The following AGFG1 variants were observed in gnomAD, a reference collection of about 807,000 sequenced individuals.
AGFG1 encodes the protein arf-GAP domain and FG repeat-containing protein 1.
A neutral mutation model predicts 60.6 loss-of-function variants in AGFG1; 10 were observed. The ratio of observed to expected loss-of-function variants is 0.16; its 90% CI spans 0.10 to 0.28. AGFG1 has a LOEUF of 0.28. AGFG1 is among the 10% of genes least tolerant of loss of function. The pLI, the probability that AGFG1 is intolerant of heterozygous loss-of-function variation, is 1.00. For synonymous variants in AGFG1, 247 were observed against 242.9 expected (o/e 1.02, Z -0.16); for missense variants, 537 against 676.5 (o/e 0.79, Z 2.29).
chr2:227,537,750 G>A (rs1692355359), intron 10 of AGFG1, among the ~76,000 whole-genome samples: 1 of 152,070 alleles, frequency 6.6e-6, no homozygotes, highest in South Asian at 2.1e-4. Context: ...TGTATGCTTT[G>A]TTTTTGTGTA....
At position 227,557,424 on chromosome 2, in the gene AGFG1, A is replaced by G. The variant is rs1693005488; in HGVS notation, c.*2929A>G. 6.6e-6 allele frequency: 1 copy of G among 152,152 alleles called. No homozygotes were observed. The highest frequency in any genetic ancestry group is 2.4e-5 in the African/African-American group (1 of 41,442). The allele number at this position is 152,152 out of a possible 1,614,324, so 9.4% of individuals were successfully genotyped here. On this transcript the variant is annotated 3_prime_UTR_variant, in exon 13 of 13. Coordinates refer to ENST00000310078, the MANE Select transcript of AGFG1 (RefSeq NM_004504.5). ...CACCCACTTTAGTACAGTTCCTGTC[A>G]ATTGGCAACATGGAGAGGGTGACCT...
intron 3 of AGFG1, among the ~76,000 whole-genome samples, chr2:227,522,861 T>A (rs1255581669): frequency 6.6e-6 from 1 of 152,248 alleles, no homozygotes; most frequent in Non-Finnish European, 1.5e-5. Flanking sequence ...CTTTCTTGAC[T>A]CGCCTCCTCA....
intron 2 of AGFG1, among the ~76,000 whole-genome samples, chr2:227,506,328 C>T (rs1352995947): frequency 6.6e-6 from 1 of 152,034 alleles, no homozygotes; most frequent in Non-Finnish European, 1.5e-5. Context: ...AAGTCAGCCC[C>T]ATGCACACAT....
At chr2:227,532,129 G>C in intron 6 of AGFG1, 1 of 1,528,982 alleles carries the variant, frequency 6.5e-7, no homozygotes, top group Non-Finnish European at 8.8e-7. Flanking sequence ...ATAATTTCTG[G>C]CTGTCCAGCA....
intron 1 of AGFG1, among the ~76,000 whole-genome samples, chr2:227,474,139 C>T (rs1479648539): frequency 6.6e-6 from 1 of 152,108 alleles, no homozygotes; most frequent in African/African-American, 2.4e-5. Context: ...AGGAGGTAGC[C>T]TGGTTCATGC....
intron 2 of AGFG1, among the ~76,000 whole-genome samples, chr2:227,497,587 T>C (rs1251291941): frequency 3.3e-5 from 5 of 152,100 alleles, no homozygotes; most frequent in African/African-American, 1.2e-4. Context: ...TTTTTTTTGT[T>C]ATTGCTCTTA....
chr2:227,524,822 A>C lies in AGFG1; in HGVS notation c.601A>C (p.Ser201Arg), dbSNP rs765786150. ...GGAGAAGAAGCAATTTGACCTTTTA[A>C]GTGATCTCGGCTCAGACATCTTTGC... ...QQEKKQFDLL[S>R]DLGSDIFAAP... The change falls in exon 5 of 13, where the codon AGT becomes CGT. Residue 201 changes from serine (S) to arginine (R), a missense_variant. Ser to Arg is a moderately radical substitution (Grantham distance 110, BLOSUM62 -1). This residue lies in a region of AGFG1 where 102 missense variants were observed against 82.9 expected (regional missense o/e 1.23). Transcript: ENST00000310078. The C allele has an allele frequency of 6.2e-7, 1 of 1,614,192 alleles. No homozygotes were observed. Among genetic ancestry groups the C allele is most frequent in the Non-Finnish European group, 8.5e-7 (1 of 1,180,008 alleles).
chr2:227,549,632 TAGC>T (rs796349608), intron 10 of AGFG1, among the ~76,000 whole-genome samples: 2 of 152,236 alleles, frequency 1.3e-5, no homozygotes, highest in South Asian at 4.1e-4. Flanking sequence ...TAAAACAATC[TAGC>T]ATTGTTCATG....
rs1324855253 is a variant in AGFG1, at chr2:227,534,826, T to G, written c.1025-19T>G. 6.2e-7 allele frequency: 1 copy of G among 1,605,664 alleles called. No homozygotes were observed. The highest frequency in any genetic ancestry group is 8.5e-7 in the Non-Finnish European group (1 of 1,175,596). ...GTAACTTTAAATTTTTGGTGTAACT[T>G]GATTTTGTTCGTTCCCAGGTGGTGA... On this transcript the variant is annotated intron_variant, in intron 7 of 12. Coordinates refer to ENST00000310078, the MANE Select transcript of AGFG1 (RefSeq NM_004504.5).
chr2:227,534,770 T>C, intron 7 of AGFG1, 75 bp from the exon 8 acceptor site: 1 of 1,513,842 alleles, frequency 6.6e-7, no homozygotes, highest in Non-Finnish European at 9.0e-7. Flanking sequence ...TACCTGTGTT[T>C]CATGGCAAAT....
rs539641522 is a variant in AGFG1, at chr2:227,557,006, A to G, written c.*2511A>G. The G allele has an allele frequency of 3.2e-4, 48 of 152,244 alleles. No individual in the cohort carries two copies. Among genetic ancestry groups the G allele is most frequent in the African/African-American group, 1.0e-3 (42 of 41,568 alleles). 9.4% of individuals were successfully genotyped at this position (152,244 alleles called of 1,614,324 possible). ...TGATATTCACTGTTTATTATTAAAGAAAATCAGCTTTCGTTAGACTTTTAC... is the reference window on the plus strand; with the variant it reads ...TGATATTCACTGTTTATTATTAAAGGAAATCAGCTTTCGTTAGACTTTTAC... On this transcript the variant is annotated 3_prime_UTR_variant, in exon 13 of 13. Transcript: ENST00000310078.
At chr2:227,553,926 C>T (rs764195156) in intron 12 of AGFG1, 131 bp downstream of exon 12, 1 of 636,094 alleles carries the variant, frequency 1.6e-6, no homozygotes, top group African/African-American at 1.8e-5. Context: ...TAAGATTGTA[C>T]AAATTGACAC....
intron 1 of AGFG1, among the ~76,000 whole-genome samples, chr2:227,481,863 C>CTTT (rs769166509): frequency 1.5e-3 from 177 of 117,528 alleles, no homozygotes; most frequent in Non-Finnish European, 2.1e-3. Flanking sequence ...TTGTCCACTA[C>CTTT]TTTTTTTTTT....
At chr2:227,521,002 A>C (rs1013085891) in intron 3 of AGFG1, among the ~76,000 whole-genome samples, 1 of 152,190 alleles carries the variant, frequency 6.6e-6, no homozygotes, top group Non-Finnish European at 1.5e-5. Context: ...TCAGGAGCAC[A>C]TTAGCTCTGA....
chr2:227,542,248 A>T (rs190634295), intron 10 of AGFG1, among the ~76,000 whole-genome samples: 1 of 152,314 alleles, frequency 6.6e-6, no homozygotes, highest in East Asian at 1.9e-4. Context: ...CAGTTTTCAA[A>T]GGGAATGCTT....
At chr2:227,492,755 A>G (rs947136472) in intron 2 of AGFG1, among the ~76,000 whole-genome samples, 1 of 152,142 alleles carries the variant, frequency 6.6e-6, no homozygotes, top group Non-Finnish European at 1.5e-5. Context: ...TATTTTGAGT[A>G]TTCAGATTCC....
chr2:227,553,882 G>T, intron 12 of AGFG1, 87 bp downstream of exon 12: 1 of 980,910 alleles, frequency 1.0e-6, no homozygotes. Flanking sequence ...ATTCCTAGAT[G>T]GTATTTGGTG....
At chr2:227,480,909 T>G (rs1690438914) in intron 1 of AGFG1, among the ~76,000 whole-genome samples, 3 of 152,234 alleles carry the variant, frequency 2.0e-5, no homozygotes, top group Admixed American at 2.0e-4. Flanking sequence ...GAACTTTCAA[T>G]ATATTGCTTA....
intron 2 of AGFG1, among the ~76,000 whole-genome samples, chr2:227,503,770 A>G (rs1247594503): frequency 6.6e-6 from 1 of 152,214 alleles, no homozygotes; most frequent in Admixed American, 6.5e-5. Context: ...TGGTTTTGAT[A>G]AATTGTACTT....
Sources: allele counts gnomAD v4.1 joint callset (sites outside exome capture counted in the v4.1 genomes callset), GRCh38; gene constraint gnomAD v4.1.1; regional missense constraint gnomAD v4.1.1; transcripts MANE v1.5; gene names NCBI Gene and HGNC (gene_info 2026-07-23, HGNC 2026-07-21).